The following ADGRL3 variants were observed in gnomAD, a reference collection of about 807,000 sequenced individuals.
ADGRL3 encodes the protein adhesion G protein-coupled receptor L3, also known as calcium-independent alpha-latrotoxin receptor 3.
In ADGRL3, 62 loss-of-function variants were observed where a neutral mutation model predicts 153.5. That is an observed-to-expected ratio of 0.40 (90% CI 0.33 to 0.50). The LOEUF (loss-of-function observed/expected upper bound fraction) is 0.50, where lower values mean the gene tolerates loss of function less well. Ranked by LOEUF, ADGRL3 falls within the 20% of genes least tolerant of loss-of-function variation. ADGRL3 has a pLI of 0.47. For synonymous variants in ADGRL3, 710 were observed against 672.5 expected, an observed-to-expected ratio of 1.06 and a Z score of -0.86; for missense variants, 1,641 against 1,859.4, an observed-to-expected ratio of 0.88 and a Z score of 2.16.
intron 6 of ADGRL3, among the ~76,000 whole-genome samples, chr4:61,704,219 A>G (rs998385929): frequency 6.6e-6 from 1 of 152,182 alleles, no homozygotes; most frequent in African/African-American, 2.4e-5. Context: ...CCCACTTACC[A>G]GTAAGTAAAT....
intron 21 of ADGRL3, among the ~76,000 whole-genome samples, chr4:62,011,855 A>G (rs1246273698): frequency 3.3e-5 from 5 of 152,152 alleles, no homozygotes; most frequent in Non-Finnish European, 7.4e-5. Flanking sequence ...TGAAATAAAC[A>G]TGAAATCTCT....
intron 25 of ADGRL3, among the ~76,000 whole-genome samples, chr4:62,056,564 A>C (rs17828576): frequency 0.038 from 5,846 of 152,110 alleles, 227 homozygotes; most frequent in Admixed American, 0.12. Context: ...TTTACACTGA[A>C]GTTGGTGTTC....
intron 5 of ADGRL3, among the ~76,000 whole-genome samples, chr4:61,653,090 A>T (rs1285014640): frequency 2.6e-5 from 4 of 151,918 alleles, no homozygotes; most frequent in Non-Finnish European, 5.9e-5. Context: ...GGGTTCTAAT[A>T]CAATAGGATT....
At chr4:61,556,524 G>A (rs765224532) in intron 4 of ADGRL3, among the ~76,000 whole-genome samples, 3 of 152,106 alleles carry the variant, frequency 2.0e-5, no homozygotes, top group Non-Finnish European at 1.5e-5. Context: ...GCAGAAACAT[G>A]ATTTGACTTC....
intron 8 of ADGRL3, among the ~76,000 whole-genome samples, chr4:61,800,709 T>G (rs556804034): frequency 1.7e-4 from 26 of 152,312 alleles, no homozygotes; most frequent in African/African-American, 6.3e-4. Context: ...TGGGTTATCC[T>G]GAACAGGTAG....
chr4:61,760,998 T>C (rs897928440), intron 8 of ADGRL3, among the ~76,000 whole-genome samples: 1 of 152,106 alleles, frequency 6.6e-6, no homozygotes, highest in African/African-American at 2.4e-5. Flanking sequence ...AGGTAGGAGA[T>C]GAAATCATAG....
intron 6 of ADGRL3, among the ~76,000 whole-genome samples, chr4:61,728,777 C>T (rs532939386): frequency 1.3e-5 from 2 of 152,004 alleles, no homozygotes; most frequent in African/African-American, 2.4e-5. Context: ...CTATCCCCAA[C>T]CTCAGCCTTC....
intron 2 of ADGRL3, among the ~76,000 whole-genome samples, chr4:61,434,564 A>G (rs1337659696): frequency 6.6e-6 from 1 of 152,056 alleles, no homozygotes; most frequent in Non-Finnish European, 1.5e-5. Flanking sequence ...ATGGACACAC[A>G]CAGAATGGTT....
chr4:61,752,876 G>A (rs2096773992), intron 8 of ADGRL3, among the ~76,000 whole-genome samples: 1 of 152,172 alleles, frequency 6.6e-6, no homozygotes. Flanking sequence ...GGAGATTGCA[G>A]TGAGCCAAGA....
At position 61,647,851 on chromosome 4, in the gene ADGRL3, TTTTC is replaced by T. The variant is rs796066192; in HGVS notation, c.474-28966_474-28963del. The stretch of plus-strand genomic sequence containing the variant: ...ATTTCCACCAGTTTTCCACTGTAAG[TTTTC>T]TTTCTTTCATGGCCTCTCAGATATT... On this transcript the variant is annotated intron_variant, in intron 5 of 26. Coordinates refer to ENST00000683033, the MANE Select transcript of ADGRL3 (RefSeq NM_001387552.1). Among the ~76,000 whole-genome samples the T allele has an allele frequency of 1.9e-4, 29 of 152,206 alleles. 1 individual carries two copies. The highest frequency in any genetic ancestry group is 6.0e-4 in the African/African-American group (25 of 41,520).
intron 22 of ADGRL3, among the ~76,000 whole-genome samples, chr4:62,030,988 A>C (rs1721700770): frequency 6.6e-6 from 1 of 151,724 alleles, no homozygotes; most frequent in South Asian, 2.1e-4. Flanking sequence ...GTAAACAATA[A>C]AATTTTTGTG....
intron 4 of ADGRL3, among the ~76,000 whole-genome samples, chr4:61,548,046 A>G (rs910789297): frequency 1.3e-5 from 2 of 151,576 alleles, no homozygotes; most frequent in Admixed American, 1.3e-4. Flanking sequence ...GATGTTGAGT[A>G]TTTTTTCATA....
chr4:61,972,632 A>G (rs1224331333), intron 17 of ADGRL3, among the ~76,000 whole-genome samples: 6 of 152,040 alleles, frequency 3.9e-5, no homozygotes, highest in South Asian at 2.1e-4. Flanking sequence ...GATTGACTTC[A>G]CGATTCAGGC....
intron 1 of ADGRL3, among the ~76,000 whole-genome samples, chr4:61,288,873 C>A (rs1006910316): frequency 2.6e-5 from 4 of 151,890 alleles, no homozygotes; most frequent in Non-Finnish European, 5.9e-5. Flanking sequence ...CCATTTTAGT[C>A]AAATATTTCA....
chr4:61,839,505 TTAAAC>T (rs745597144), intron 9 of ADGRL3, among the ~76,000 whole-genome samples: 2 of 152,144 alleles, frequency 1.3e-5, no homozygotes, highest in Admixed American at 6.5e-5. Flanking sequence ...CATGTGATTC[TTAAAC>T]TAAGAGGAAA....
chr4:61,675,412 A>G (rs552913111), intron 5 of ADGRL3, among the ~76,000 whole-genome samples: 12 of 152,042 alleles, frequency 7.9e-5, no homozygotes, highest in African/African-American at 2.9e-4. Context: ...AAAAACCATT[A>G]GCTTTTTATA....
At chr4:61,775,838 CT>C in intron 8 of ADGRL3, 1 of 545,582 alleles carries the variant, frequency 1.8e-6, no homozygotes. Context: ...GCAGCAATAC[CT>C]TCCTCGGCCA....
intron 1 of ADGRL3, among the ~76,000 whole-genome samples, chr4:61,281,605 C>G (rs904891352): frequency 6.6e-6 from 1 of 152,084 alleles, no homozygotes; most frequent in Non-Finnish European, 1.5e-5. Context: ...GATTAAGGTA[C>G]TCCTTCCCTT....
chr4:61,233,690 G>A (rs1751681799), intron 1 of ADGRL3, among the ~76,000 whole-genome samples: 1 of 152,042 alleles, frequency 6.6e-6, no homozygotes, highest in Non-Finnish European at 1.5e-5. Context: ...TAAAAGTGGT[G>A]TGTGTGTGTA....
Sources: gnomAD v4.1 joint callset for allele counts (sites outside exome capture counted in the v4.1 genomes callset) on GRCh38, gnomAD v4.1.1 for gene constraint, MANE v1.5 for transcripts, NCBI Gene and HGNC (gene_info 2026-07-23, HGNC 2026-07-21) for gene names.